Variants in MTREX observed in about 807,000 individuals in gnomAD.
MTREX encodes Mtr4 exosome RNA helicase, also known as exosome RNA helicase MTR4.
A neutral mutation model predicts 135.4 loss-of-function variants in MTREX; 76 were observed. The observed-to-expected ratio is 0.56, with a 90% CI of 0.47 to 0.68. The LOEUF is 0.68. MTREX is among the 30% of genes least tolerant of loss of function. The pLI, the probability that MTREX is intolerant of heterozygous loss-of-function variation, is 0.00. For missense variants in MTREX, 920 were observed against 1,262.1 expected, an observed-to-expected ratio of 0.73 and a Z score of 4.11; for synonymous variants, 404 against 401.6, an observed-to-expected ratio of 1.01 and a Z score of -0.07.
chr5:55,417,752 A>G (rs1295713220), intron 25 of MTREX, among the ~76,000 whole-genome samples: 3 of 152,196 alleles, frequency 2.0e-5, no homozygotes, highest in South Asian at 2.1e-4. Flanking sequence ...TCTTTTTGGA[A>G]CATAAGGATG....
chr5:55,356,636 A>T (rs553803230), intron 14 of MTREX: 1 of 160,630 alleles, frequency 6.2e-6, no homozygotes, highest in East Asian at 1.7e-4. Flanking sequence ...CATTCGAGTA[A>T]CTATACTTGT....
chr5:55,322,363 T>TAATAATGGA lies in MTREX; in HGVS notation c.174_182dup (p.Asn58_Gly60dup), dbSNP rs570411259. On this transcript the variant is annotated inframe_insertion, in exon 2 of 27. Transcript: ENST00000230640. ...ATGGTAAATTACAATCAGAATCAAC[T>TAATAATGGA]AATAATGGAAAAAATAAGAGAGATG... The TAATAATGGA allele has an allele frequency of 2.3e-3, 3,668 of 1,606,570 alleles. 7 individuals are homozygous for TAATAATGGA. Among genetic ancestry groups the TAATAATGGA allele is most frequent in the Non-Finnish European group, 2.7e-3 (3,233 of 1,176,824 alleles).
Position 55,340,058 on chromosome 5 carries a change from C to G in MTREX, c.564C>G (p.Thr188=). The part of the protein sequence containing the change: ...ALREKQRVIF[T]SPIKALSNQK... ...GGGAAAAGCAGCGTGTAATATTTAC[C>G]AGCCCAATTAAGGCTCTGAGTAACC... Residue 188 remains threonine (T), a synonymous_variant, in exon 6 of 27, where the codon ACC becomes ACG. Coordinates refer to ENST00000230640, the MANE Select transcript of MTREX (RefSeq NM_015360.5). The G allele has an allele frequency of 6.3e-7, 1 of 1,592,234 alleles. No homozygotes were observed. Among genetic ancestry groups the G allele is most frequent in the Non-Finnish European group, 8.5e-7 (1 of 1,169,968 alleles).
intron 18 of MTREX, among the ~76,000 whole-genome samples, chr5:55,384,785 C>G (rs556420854): frequency 6.6e-6 from 1 of 152,146 alleles, no homozygotes; most frequent in South Asian, 2.1e-4. Context: ...GGGTCACAGC[C>G]TTGGTTATGC....
chr5:55,404,674 T>G (rs1750773580), intron 21 of MTREX, among the ~76,000 whole-genome samples: 1 of 152,154 alleles, frequency 6.6e-6, no homozygotes, highest in Non-Finnish European at 1.5e-5. Context: ...TATCCTAAAT[T>G]CACCACTGAC....
chr5:55,308,916 A>C (rs961907014), intron 1 of MTREX, among the ~76,000 whole-genome samples: 15 of 152,210 alleles, frequency 9.9e-5, no homozygotes, highest in Non-Finnish European at 1.6e-4. Flanking sequence ...AGATGCTTGA[A>C]ATTAAATTAG....
In MTREX at chr5:55,337,823, C is replaced by T. The variant is rs117482717; in HGVS notation, c.516-2187C>T. Among the ~76,000 whole-genome samples the T allele has an allele frequency of 4.5e-4, 68 of 150,950 alleles. 1 individual carries two copies. In the East Asian group the frequency reaches 0.013, roughly 29 times the overall value. On this transcript the variant is annotated intron_variant, in intron 5 of 26. Transcript: ENST00000230640. ...TTTGATCCTTATTTTTCCTCCATTGCCTTCTATTTTGTTTAACAAATATCT... is the reference window on the plus strand; with the variant it reads ...TTTGATCCTTATTTTTCCTCCATTGTCTTCTATTTTGTTTAACAAATATCT...
At chr5:55,375,236 G>A (rs868092379) in intron 16 of MTREX, among the ~76,000 whole-genome samples, 132 of 152,208 alleles carry the variant, frequency 8.7e-4, no homozygotes, top group African/African-American at 2.8e-3. Flanking sequence ...GAGATCAACC[G>A]GTCTGACCAA....
At chr5:55,378,546 TAA>T in intron 17 of MTREX, 60 bp downstream of exon 17, 1 of 1,478,216 alleles carries the variant, frequency 6.8e-7, no homozygotes, top group Non-Finnish European at 9.1e-7. Flanking sequence ...ATATTTTTGT[TAA>T]AGATTCTAAT....
chr5:55,384,115 C>A (rs1397009630), intron 18 of MTREX, among the ~76,000 whole-genome samples: 1 of 152,172 alleles, frequency 6.6e-6, no homozygotes, highest in Non-Finnish European at 1.5e-5. Context: ...CTAAACCTCT[C>A]CCCTGGAACT....
intron 25 of MTREX, 45 bp downstream of exon 25, chr5:55,416,177 C>A (rs1366213316): frequency 1.6e-6 from 2 of 1,250,144 alleles, no homozygotes; most frequent in South Asian, 1.5e-5. Context: ...ATAAGAAATA[C>A]AGTTAGGATG....
intron 5 of MTREX, among the ~76,000 whole-genome samples, chr5:55,333,463 C>G (rs1192827830): frequency 1.3e-5 from 2 of 152,100 alleles, no homozygotes; most frequent in Admixed American, 1.3e-4. Flanking sequence ...GCATTTAAAG[C>G]CAGCATATGT....
intron 1 of MTREX, among the ~76,000 whole-genome samples, chr5:55,321,213 T>C (rs928795840): frequency 6.6e-6 from 1 of 152,210 alleles, no homozygotes; most frequent in Non-Finnish European, 1.5e-5. Flanking sequence ...GAGTTTCTTA[T>C]AACTTTTAAG....
chr5:55,411,816 G>C (rs1431044303), intron 23 of MTREX, among the ~76,000 whole-genome samples: 1 of 152,118 alleles, frequency 6.6e-6, no homozygotes, highest in Non-Finnish European at 1.5e-5. Flanking sequence ...CCAAGATAAA[G>C]ATAATTAAGA....
At chr5:55,311,280 A>G (rs1474638765) in intron 1 of MTREX, among the ~76,000 whole-genome samples, 3 of 152,084 alleles carry the variant, frequency 2.0e-5, no homozygotes, top group African/African-American at 7.2e-5. Context: ...ATGTCATCCA[A>G]CAAAACTAAC....
chr5:55,313,511 A>C (rs1749150093), intron 1 of MTREX, among the ~76,000 whole-genome samples: 1 of 152,184 alleles, frequency 6.6e-6, no homozygotes, highest in African/African-American at 2.4e-5. Context: ...ATATACTTAC[A>C]ATAGTTTAAA....
intron 21 of MTREX, among the ~76,000 whole-genome samples, chr5:55,404,291 A>C (rs536774251): frequency 6.6e-6 from 1 of 152,352 alleles, no homozygotes; most frequent in South Asian, 2.1e-4. Flanking sequence ...TGCTTGTCAT[A>C]GTCAGAAAAT....
chr5:55,425,110 G>A lies in MTREX; in HGVS notation c.*338G>A. 2 of 1,459,256 alleles carry A rather than the reference G, an allele frequency of 1.4e-6. No individual in the cohort carries two copies. The highest frequency in any genetic ancestry group is 1.8e-6 in the Non-Finnish European group (2 of 1,081,176). 90.4% of individuals were successfully genotyped at this position (1,459,256 alleles called of 1,614,324 possible). A position where few individuals can be genotyped will look rare whatever the true frequency, so the allele number is the denominator to read the frequency against. On this transcript the variant is annotated 3_prime_UTR_variant, in exon 27 of 27. Transcript: ENST00000230640. Reference sequence around the variant, plus strand: ...ATAGCAGCAGCAGAAGTCTTTAAAGGCTTGTACACCAGGAAGAAAGATGCA... The same window carrying A: ...ATAGCAGCAGCAGAAGTCTTTAAAGACTTGTACACCAGGAAGAAAGATGCA...
At chr5:55,313,534 A>G (rs1398284689) in intron 1 of MTREX, among the ~76,000 whole-genome samples, 1 of 152,210 alleles carries the variant, frequency 6.6e-6, no homozygotes, top group East Asian at 1.9e-4. Flanking sequence ...TAATTTTGCA[A>G]TTAATAAGAT....
Sources: gnomAD v4.1 joint callset for allele counts (sites outside exome capture counted in the v4.1 genomes callset) on GRCh38, gnomAD v4.1.1 for gene constraint, MANE v1.5 for transcripts, NCBI Gene and HGNC (gene_info 2026-07-23, HGNC 2026-07-21) for gene names.